Variants in SLX4IP observed in about 807,000 individuals in gnomAD.
SLX4IP encodes the protein protein SLX4IP.
SLX4IP carries 34 observed loss-of-function variants against 32.9 expected under a neutral mutation model. The ratio of observed to expected loss-of-function variants is 1.03; its 90% CI spans 0.79 to 1.38. The LOEUF is 1.38. Ranked by LOEUF, SLX4IP falls within the 40% of genes most tolerant of loss-of-function variation. The pLI is 0.00. For missense variants in SLX4IP, 444 were observed against 479.0 expected (o/e 0.93, Z 0.68); for synonymous variants, 172 against 171.7 (o/e 1.00, Z -0.01).
intron 2 of SLX4IP, 80 bp from the exon 3 acceptor site, chr20:10,556,151 T>C (rs969280598): frequency 8.3e-6 from 11 of 1,320,588 alleles, no homozygotes; most frequent in Non-Finnish European, 1.2e-5. Flanking sequence ...AGCAACCACA[T>C]AGGAATTTGT....
At chr20:10,562,307 A>G (rs1171114232) in intron 4 of SLX4IP, among the ~76,000 whole-genome samples, 1 of 152,136 alleles carries the variant, frequency 6.6e-6, no homozygotes, top group East Asian at 1.9e-4. Context: ...CGCGAGGTGA[A>G]TGGAGAGGCC....
intron 4 of SLX4IP, among the ~76,000 whole-genome samples, chr20:10,596,275 A>T (rs1266985394): frequency 6.6e-6 from 1 of 152,032 alleles, no homozygotes; most frequent in Non-Finnish European, 1.5e-5. Context: ...CCCAGCCTGG[A>T]GTACAGTGGT....
At chr20:10,489,690 A>G (rs2065604309) in intron 2 of SLX4IP, among the ~76,000 whole-genome samples, 1 of 152,160 alleles carries the variant, frequency 6.6e-6, no homozygotes, top group South Asian at 2.1e-4. Flanking sequence ...AGAATTTAGA[A>G]GGGGAGTGGG....
intron 2 of SLX4IP, among the ~76,000 whole-genome samples, chr20:10,539,611 G>T (rs1322562588): frequency 6.6e-6 from 1 of 152,142 alleles, no homozygotes; most frequent in African/African-American, 2.4e-5. Flanking sequence ...GTAGTTTTCT[G>T]CTTCTCTTTT....
chr20:10,504,758 C>T (rs1156799023), intron 2 of SLX4IP, among the ~76,000 whole-genome samples: 1 of 152,120 alleles, frequency 6.6e-6, no homozygotes, highest in Non-Finnish European at 1.5e-5. Flanking sequence ...GGCTGTGATC[C>T]ACTGCCTATA....
intron 2 of SLX4IP, among the ~76,000 whole-genome samples, chr20:10,477,920 C>T (rs1016775944): frequency 1.1e-3 from 138 of 128,730 alleles, no homozygotes; most frequent in African/African-American, 3.8e-3. Context: ...TTTTTTGAAA[C>T]GGAGTCTTGC....
chr20:10,514,812 T>G (rs571545320), intron 2 of SLX4IP, among the ~76,000 whole-genome samples: 2 of 152,280 alleles, frequency 1.3e-5, no homozygotes, highest in South Asian at 4.1e-4. Flanking sequence ...GTACATTTCC[T>G]TTATAGTTTT....
At chr20:10,591,467 C>G (rs1244293710) in intron 4 of SLX4IP, among the ~76,000 whole-genome samples, 6 of 152,134 alleles carry the variant, frequency 3.9e-5, no homozygotes, top group African/African-American at 1.4e-4. Context: ...ATCTGGTGTT[C>G]CTCTGTATGC....
intron 4 of SLX4IP, among the ~76,000 whole-genome samples, chr20:10,592,838 G>T (rs621634): frequency 0.2 from 30,998 of 151,548 alleles, 3,904 homozygotes; most frequent in Non-Finnish European, 0.27. Context: ...TTCACCATGT[G>T]AGCCAGGATG....
At chr20:10,474,879 A>C (rs1183960928) in intron 2 of SLX4IP, among the ~76,000 whole-genome samples, 1 of 152,138 alleles carries the variant, frequency 6.6e-6, no homozygotes, top group Non-Finnish European at 1.5e-5. Flanking sequence ...ACCATCCAGG[A>C]CTGGAAGCAT....
intron 7 of SLX4IP, among the ~76,000 whole-genome samples, chr20:10,621,864 T>G (rs2067115545): frequency 1.3e-5 from 2 of 152,220 alleles, no homozygotes; most frequent in Admixed American, 1.3e-4. Context: ...AATGTTTTGG[T>G]GGTTGAGGAA....
At position 10,625,056 on chromosome 20, in the gene SLX4IP, TAGG is replaced by T. The variant is rs993258827; in HGVS notation, c.*1680_*1682del. On this transcript the variant is annotated 3_prime_UTR_variant, in exon 8 of 8. Coordinates refer to ENST00000334534, the MANE Select transcript of SLX4IP (RefSeq NM_001009608.3). ...AGCGGAACCCAGTCAGGGGATTCTA[TAGG>T]AGAAGAGGGAGCCCAACAGAATACT... is the stretch of plus-strand genomic sequence containing the variant. The T allele has an allele frequency of 3.3e-5, 5 of 152,178 alleles. No homozygotes were observed. The highest frequency in any genetic ancestry group is 1.2e-4 in the African/African-American group (5 of 41,440). 9.4% of individuals were successfully genotyped at this position (152,178 alleles called of 1,614,324 possible). A position where few individuals can be genotyped will look rare whatever the true frequency, so the allele number is the denominator to read the frequency against.
At position 10,475,410 on chromosome 20, in the gene SLX4IP, G is replaced by A. The variant is rs148193341; in HGVS notation, c.27+17179G>A. Among the ~76,000 whole-genome samples, 783 of 152,230 alleles carry A rather than the reference G, an allele frequency of 5.1e-3. 8 individuals are homozygous for A. The highest frequency in any genetic ancestry group is 4.6e-3 in the Non-Finnish European group (312 of 68,018). On this transcript the variant is annotated intron_variant, in intron 2 of 7. Transcript: ENST00000334534. ...CTCTTTGGAAGGAAGTAACACCCAC[G>A]CAAACTACTAGAACTTGAAATGGGC...
intron 2 of SLX4IP, among the ~76,000 whole-genome samples, chr20:10,501,062 G>A (rs1277127892): frequency 6.6e-6 from 1 of 152,150 alleles, no homozygotes; most frequent in African/African-American, 2.4e-5. Context: ...GATGAAACTA[G>A]TTGGTGGCTT....
intron 1 of SLX4IP, among the ~76,000 whole-genome samples, chr20:10,452,676 A>ATATATATATATATATATATATAT (rs764822188): frequency 1.0e-5 from 1 of 97,968 alleles, no homozygotes; most frequent in Admixed American, 1.1e-4. Context: ...AAAAAAAAAA[A>ATATATATATATATATATATATAT]AAAAATATAT....
intron 6 of SLX4IP, among the ~76,000 whole-genome samples, chr20:10,620,956 G>A (rs1356358321): frequency 1.3e-5 from 2 of 152,232 alleles, no homozygotes; most frequent in Non-Finnish European, 2.9e-5. Flanking sequence ...GAAGAACAGA[G>A]CTCACAGGCA....
intron 4 of SLX4IP, among the ~76,000 whole-genome samples, chr20:10,577,204 G>A (rs2066532771): frequency 6.6e-6 from 1 of 152,006 alleles, no homozygotes; most frequent in African/African-American, 2.4e-5. Flanking sequence ...TTTTTGTATT[G>A]TTTAAGTTTA....
intron 4 of SLX4IP, among the ~76,000 whole-genome samples, chr20:10,594,428 C>T (rs1361387651): frequency 3.9e-5 from 6 of 152,180 alleles, no homozygotes; most frequent in Admixed American, 2.0e-4. Context: ...CCAGGCTCGT[C>T]CATGAATGGT....
intron 3 of SLX4IP, 34 bp downstream of exon 3, chr20:10,556,354 T>A: frequency 6.4e-7 from 1 of 1,567,368 alleles, no homozygotes; most frequent in African/African-American, 1.4e-5. Context: ...TAATTGCAAG[T>A]AGCTGCTGCT....
Sources: gnomAD v4.1 joint callset for allele counts (sites outside exome capture counted in the v4.1 genomes callset) on GRCh38, gnomAD v4.1.1 for gene constraint, MANE v1.5 for transcripts, NCBI Gene and HGNC (gene_info 2026-07-23, HGNC 2026-07-21) for gene names.